Variants in CNTN5 observed in about 807,000 individuals in gnomAD.
CNTN5 encodes the protein contactin-5.
In CNTN5, 77 loss-of-function variants were observed where a neutral mutation model predicts 129.1. That is an observed-to-expected ratio of 0.60 (90% CI 0.50 to 0.72). The LOEUF is 0.72. Among genes scored for constraint, CNTN5 ranks in the 30% least tolerant of loss-of-function variants. CNTN5 has a pLI of 0.00. For missense variants in CNTN5, 1,478 were observed against 1,328.8 expected (o/e 1.11, Z -1.75); for synonymous variants, 509 against 465.6 (o/e 1.09, Z -1.20).
intron 1 of CNTN5, among the ~76,000 whole-genome samples, chr11:99,082,673 T>A (rs984704870): frequency 6.6e-6 from 1 of 152,202 alleles, no homozygotes; most frequent in Non-Finnish European, 1.5e-5. Context: ...AAGACACAAT[T>A]CTAAGTGTTA....
At chr11:100,232,388 G>A (rs559658655) in intron 16 of CNTN5, among the ~76,000 whole-genome samples, 1 of 152,148 alleles carries the variant, frequency 6.6e-6, no homozygotes, top group Non-Finnish European at 1.5e-5. Context: ...AAAACCAAGT[G>A]AAATACGAAC....
At chr11:99,523,716 GAATAGAATAGAATAT>G (rs1947376852) in intron 2 of CNTN5, among the ~76,000 whole-genome samples, 2 of 130,418 alleles carry the variant, frequency 1.5e-5, no homozygotes, top group Non-Finnish European at 3.4e-5. Flanking sequence ...GAATAGAATA[GAATAGAATAGAATAT>G]GTGTTTGTTT....
chr11:99,673,388 C>G (rs564331976), intron 3 of CNTN5, among the ~76,000 whole-genome samples: 8 of 152,234 alleles, frequency 5.3e-5, no homozygotes, highest in African/African-American at 1.4e-4. Flanking sequence ...AGTCATGGTA[C>G]GGATTCAATG....
chr11:99,585,443 A>G (rs1481343226), intron 3 of CNTN5, among the ~76,000 whole-genome samples: 1 of 152,180 alleles, frequency 6.6e-6, no homozygotes, highest in Admixed American at 6.5e-5. Flanking sequence ...ACTTATAACA[A>G]TGCCACTCTT....
chr11:99,820,403 T>C (rs780401818), intron 4 of CNTN5, among the ~76,000 whole-genome samples: 1 of 152,296 alleles, frequency 6.6e-6, no homozygotes, highest in South Asian at 2.1e-4. Flanking sequence ...GATAAGTATA[T>C]ACTTAGCATT....
intron 13 of CNTN5, among the ~76,000 whole-genome samples, chr11:100,168,658 T>A (rs1204819813): frequency 1.3e-5 from 2 of 151,952 alleles, no homozygotes. Flanking sequence ...ACAAAGAAAT[T>A]AATGTGTTTT....
intron 13 of CNTN5, among the ~76,000 whole-genome samples, chr11:100,150,108 C>T (rs948355864): frequency 6.6e-6 from 1 of 152,040 alleles, no homozygotes; most frequent in African/African-American, 2.4e-5. Context: ...GTAACTGCCC[C>T]TCCAACAGAA....
chr11:99,707,144 A>G (rs991616410), intron 3 of CNTN5, among the ~76,000 whole-genome samples: 5 of 151,490 alleles, frequency 3.3e-5, no homozygotes, highest in South Asian at 2.1e-4. Flanking sequence ...TGAAAAGTAC[A>G]TGATGTGCAT....
chr11:99,713,702 C>A (rs1404471992), intron 3 of CNTN5, among the ~76,000 whole-genome samples: 1 of 151,872 alleles, frequency 6.6e-6, no homozygotes, highest in African/African-American at 2.4e-5. Flanking sequence ...ATTTTCGGAA[C>A]TAGGAAAACA....
chr11:99,487,172 A>T (rs138825998), intron 2 of CNTN5, among the ~76,000 whole-genome samples: 1 of 152,226 alleles, frequency 6.6e-6, no homozygotes, highest in African/African-American at 2.4e-5. Context: ...AAAGTGGAGA[A>T]CTGAGTGTTA....
chr11:99,782,338 A>C (rs1037609773), intron 3 of CNTN5, among the ~76,000 whole-genome samples: 4 of 149,328 alleles, frequency 2.7e-5, no homozygotes, highest in Non-Finnish European at 3.0e-5. Context: ...GGATACAAAC[A>C]AATGGAAGAA....
At chr11:100,347,539 A>G (rs1012474271) in intron 23 of CNTN5, among the ~76,000 whole-genome samples, 21 of 152,076 alleles carry the variant, frequency 1.4e-4, no homozygotes, top group African/African-American at 5.1e-4. Flanking sequence ...CATGCAGTAT[A>G]TATATGAAGC....
At chr11:99,073,302 G>A (rs764525474) in intron 1 of CNTN5, among the ~76,000 whole-genome samples, 1 of 148,090 alleles carries the variant, frequency 6.8e-6, no homozygotes, top group East Asian at 2.0e-4. Context: ...TCTTTTTAGA[G>A]TTTGTCTCTT....
rs546681558 is a variant in CNTN5 at position 99,441,445 on chromosome 11, G to A, written c.-70-114700G>A. Among the ~76,000 whole-genome samples, 7 of 152,132 alleles carry A rather than the reference G, an allele frequency of 4.6e-5. No homozygotes were observed. The East Asian group carries it at 5.8e-4, about 13-fold the overall frequency. On this transcript the variant is annotated intron_variant, in intron 2 of 24. Transcript: ENST00000524871. ...TAACATATGTTAGAAACACCCCCAC[G>A]TTAATATACTAGCATCTAAAACTGT...
At chr11:99,479,999 A>C (rs978704584) in intron 2 of CNTN5, among the ~76,000 whole-genome samples, 5 of 126,224 alleles carry the variant, frequency 4.0e-5, no homozygotes, top group Non-Finnish European at 7.2e-5. Flanking sequence ...ATTACAAGAC[A>C]AAACAGTTTC....
At chr11:99,078,821 G>A (rs926465751) in intron 1 of CNTN5, among the ~76,000 whole-genome samples, 1 of 152,030 alleles carries the variant, frequency 6.6e-6, no homozygotes, top group East Asian at 1.9e-4. Context: ...AGGGGGAAGT[G>A]GGATTGGTTA....
At chr11:99,236,033 A>G (rs1290841815) in intron 1 of CNTN5, among the ~76,000 whole-genome samples, 1 of 152,224 alleles carries the variant, frequency 6.6e-6, no homozygotes, top group Non-Finnish European at 1.5e-5. Context: ...CTTCACAGGT[A>G]TGCTTCATTG....
At chr11:100,249,316 G>C (rs1011714901) in intron 16 of CNTN5, among the ~76,000 whole-genome samples, 1 of 152,138 alleles carries the variant, frequency 6.6e-6, no homozygotes, top group Non-Finnish European at 1.5e-5. Context: ...AGTTGATCTG[G>C]TATCAGTCTG....
intron 13 of CNTN5, among the ~76,000 whole-genome samples, chr11:100,128,270 G>GT (rs1285945950): frequency 1.3e-5 from 2 of 151,952 alleles, no homozygotes; most frequent in African/African-American, 4.8e-5. Context: ...GAAGCACTAT[G>GT]TGTTCATGTG....
Sources: gnomAD v4.1 joint callset for allele counts (sites outside exome capture counted in the v4.1 genomes callset) on GRCh38, gnomAD v4.1.1 for gene constraint, MANE v1.5 for transcripts, NCBI Gene and HGNC (gene_info 2026-07-23, HGNC 2026-07-21) for gene names.